Variants in SLC47A2 observed in about 807,000 individuals in gnomAD.
The protein encoded by SLC47A2 is solute carrier family 47 member 2.
A neutral mutation model predicts 67.7 loss-of-function variants in SLC47A2; 52 were observed. The observed-to-expected ratio is 0.77, with a 90% CI of 0.61 to 0.97. The LOEUF (loss-of-function observed/expected upper bound fraction) is 0.97. Among genes scored for constraint, SLC47A2 ranks in the 50% least tolerant of loss-of-function variants. The probability of loss-of-function intolerance (pLI) is 0.00; values close to 1 mark genes in which losing one functional copy is unlikely to be tolerated. For synonymous variants in SLC47A2, 278 were observed against 292.9 expected (o/e 0.95, Z 0.52); for missense variants, 676 against 712.3 (o/e 0.95, Z 0.58).
At chr17:19,716,720 C>T (rs575405368), upstream of SLC47A2, 8 of 1,064,060 alleles carry the variant, frequency 7.5e-6, no homozygotes, top group South Asian at 1.5e-4. Flanking sequence ...AGCCCTGCCT[C>T]CTAGGGCACT....
chr17:19,682,297 C>T (rs1049742220), intron 13 of SLC47A2, among the ~76,000 whole-genome samples: 2 of 151,626 alleles, frequency 1.3e-5, no homozygotes, highest in African/African-American at 2.4e-5. Context: ...TGCACCACTG[C>T]ACTCTAGCCT....
At chr17:19,709,480 C>T (rs539171609) in intron 5 of SLC47A2, among the ~76,000 whole-genome samples, 5 of 152,208 alleles carry the variant, frequency 3.3e-5, no homozygotes, top group African/African-American at 9.6e-5. Context: ...TGGAATAGAC[C>T]GGGTTTAATT....
In SLC47A2 at chr17:19,710,004, G is replaced by A. The variant is rs559653457; in HGVS notation, c.487-1244C>T. ...CCCAAAAAGGTCATGGCACTGGCCT[G>A]GCAGAGAGGTGGGTGTGGCTGGGTC... On this transcript the variant is annotated intron_variant, in intron 5 of 16. Coordinates refer to ENST00000433844, the MANE Select transcript of SLC47A2 (RefSeq NM_001099646.3). Among the ~76,000 whole-genome samples, 3 of 152,316 alleles carry A rather than the reference G, an allele frequency of 2.0e-5. No homozygotes were observed. In the East Asian group the frequency reaches 5.8e-4, roughly 29 times the overall value.
In SLC47A2 at chr17:19,685,098, G is replaced by A. The variant is rs190140496; in HGVS notation, c.1165-3428C>T. 2.8e-4 allele frequency among the ~76,000 whole-genome samples: 42 copies of A among 152,268 alleles called. No homozygotes were observed. The highest frequency in any genetic ancestry group is 9.4e-4 in the African/African-American group (39 of 41,562). On this transcript the variant is annotated intron_variant, in intron 13 of 16. Transcript: ENST00000433844. This position sits in a 1 kb window ranked among gnomAD's most constrained non-coding sequence, Gnocchi z 4.5. ...TAGCCTCGGGTGAAGTGCCCGCCTC[G>A]GCCTCCTGAGGTGCTGGGATTGCAG...
chr17:19,678,658 C>G lies in SLC47A2; in HGVS notation c.*28G>C. On this transcript the variant is annotated 3_prime_UTR_variant, in exon 17 of 17. Coordinates refer to ENST00000433844, the MANE Select transcript of SLC47A2 (RefSeq NM_001099646.3). The stretch of plus-strand genomic sequence containing the variant: ...TGTTTGCATACTGGGGACAGCCACT[C>G]CTGGCTTTCTATTTCCAAGCTTCTT... The G allele has an allele frequency of 6.2e-7, 1 of 1,608,826 alleles. No homozygotes were observed. Among genetic ancestry groups the G allele is most frequent in the South Asian group, 1.1e-5 (1 of 90,942 alleles).
At chr17:19,705,068 G>T (rs573260931) in intron 10 of SLC47A2, 3 of 331,886 alleles carry the variant, frequency 9.0e-6, no homozygotes, top group Admixed American at 9.6e-5. Flanking sequence ...TTTGTGATCC[G>T]CCCTCAGCCT....
intron 13 of SLC47A2, among the ~76,000 whole-genome samples, chr17:19,691,710 C>T (rs974104459): frequency 1.3e-5 from 2 of 152,164 alleles, no homozygotes; most frequent in East Asian, 1.9e-4. Flanking sequence ...TTATAGGCAA[C>T]AATAATTTAT....
intron 13 of SLC47A2, among the ~76,000 whole-genome samples, chr17:19,689,538 A>T (rs1431849588): frequency 6.6e-5 from 10 of 152,000 alleles, no homozygotes; most frequent in Non-Finnish European, 1.5e-4. Context: ...CTCCACAAAA[A>T]ATACAAAAAT....
At chr17:19,684,501 C>T (rs1466175029) in intron 13 of SLC47A2, among the ~76,000 whole-genome samples, 1 of 152,094 alleles carries the variant, frequency 6.6e-6, no homozygotes, top group Non-Finnish European at 1.5e-5. Context: ...ACCTACTATT[C>T]TACCCTAAGA....
intron 15 of SLC47A2, among the ~76,000 whole-genome samples, 178 bp from the exon 16 acceptor site, chr17:19,680,217 C>T (rs1428400652): frequency 1.3e-5 from 2 of 152,048 alleles, no homozygotes; most frequent in Non-Finnish European, 2.9e-5. Context: ...GTGGCTCACA[C>T]CTGTAATCCC....
At chr17:19,712,878 C>T in intron 4 of SLC47A2, 133 bp from the exon 5 acceptor site, 1 of 788,814 alleles carries the variant, frequency 1.3e-6, no homozygotes, top group Non-Finnish European at 2.1e-6. Flanking sequence ...GAAACCTCAG[C>T]ATCAGGGGCT....
At chr17:19,705,559 C>T (rs934671263) in intron 9 of SLC47A2, 56 bp from the exon 10 acceptor site, 18 of 1,528,628 alleles carry the variant, frequency 1.2e-5, no homozygotes, top group Middle Eastern at 2.0e-4. Context: ...CCAGACCCTG[C>T]GCCGACAGGA....
intron 10 of SLC47A2, 112 bp from the exon 11 acceptor site, chr17:19,704,290 G>A: frequency 2.4e-6 from 2 of 823,860 alleles, no homozygotes; most frequent in Non-Finnish European, 3.7e-6. Flanking sequence ...CAGATCTCAG[G>A]CATGCAGTGT....
chr17:19,695,213 A>G (rs904404051), intron 13 of SLC47A2, among the ~76,000 whole-genome samples: 2 of 152,174 alleles, frequency 1.3e-5, no homozygotes, highest in Non-Finnish European at 2.9e-5. Context: ...TGGTAATAGT[A>G]TATTTTAAAT....
At position 19,713,821 on chromosome 17, in the gene SLC47A2, G is replaced by T. The variant is rs367795736; in HGVS notation, c.443+4C>A. 48 of 1,606,798 alleles carry T rather than the reference G, an allele frequency of 3.0e-5. No homozygotes were observed. In the African/African-American group the frequency reaches 5.3e-4, roughly 18 times the overall value. ...CCCACCTCCCCAGCCGGAGCCCAGC[G>T]CACCTGGACACGTCCGGGTCCTGCC... On this transcript the variant is annotated splice_donor_region_variant and intron_variant, in intron 4 of 16. Transcript: ENST00000433844.
chr17:19,716,819 TC>T, upstream of SLC47A2: 1 of 458,972 alleles, frequency 2.2e-6, no homozygotes, highest in South Asian at 3.5e-5. Context: ...GTGTCTGGTC[TC>T]CCAGAGGGAT....
chr17:19,706,173 C>A (rs900297198), intron 9 of SLC47A2, among the ~76,000 whole-genome samples: 1 of 152,160 alleles, frequency 6.6e-6, no homozygotes, highest in East Asian at 1.9e-4. Context: ...TCTGCAAATG[C>A]GGGGCAGGGC....
Position 19,681,751 on chromosome 17 carries a change from C to A in SLC47A2, c.1165-81G>T, listed in dbSNP as rs553003071. 79 of 1,513,736 alleles carry A rather than the reference C, an allele frequency of 5.2e-5. 1 individual carries two copies. In the South Asian group the frequency reaches 9.0e-4, roughly 17 times the overall value. 93.8% of individuals were successfully genotyped at this position (1,513,736 alleles called of 1,614,324 possible). On this transcript the variant is annotated intron_variant, in intron 13 of 16. Transcript: ENST00000433844. ...GTCATGCAGCAGGCACTGTGCTAAG[C>A]CATTCGCATGGCATTGCTTCACTGA...
chr17:19,716,552 C>G lies in SLC47A2; in HGVS notation c.4G>C (p.Asp2His). 6.2e-7 allele frequency: 1 copy of G among 1,601,536 alleles called. No individual in the cohort carries two copies. Among genetic ancestry groups the G allele is most frequent in the Non-Finnish European group, 8.5e-7 (1 of 1,175,006 alleles). Reference sequence around the variant, plus strand: ...AGGGCCACTGTGTCCTGGAGGCTGTCCATTCCTGGCCGGGGCACTGGCTAC... The same window carrying G: ...AGGGCCACTGTGTCCTGGAGGCTGTGCATTCCTGGCCGGGGCACTGGCTAC... MDSLQDTVALDH... is the reference protein window; with the variant it reads MHSLQDTVALDH... The change falls in exon 1 of 17, where the codon GAC becomes CAC. Residue 2 changes from aspartate to histidine, a missense_variant. Coordinates refer to ENST00000433844, the MANE Select transcript of SLC47A2 (RefSeq NM_001099646.3).
Sources: allele counts gnomAD v4.1 joint callset (sites outside exome capture counted in the v4.1 genomes callset), GRCh38; gene constraint gnomAD v4.1.1; non-coding constraint Gnocchi (gnomAD v3.1); transcripts MANE v1.5; gene names NCBI Gene and HGNC (gene_info 2026-07-23, HGNC 2026-07-21).